Variants in PPA2 observed in about 807,000 individuals in gnomAD.
PPA2 encodes the protein inorganic pyrophosphatase 2.
PPA2 carries 48 observed loss-of-function variants against 49.5 expected under a neutral mutation model. That is an observed-to-expected ratio of 0.97 (90% CI 0.77 to 1.23). The LOEUF (loss-of-function observed/expected upper bound fraction) is 1.23, where lower values mean the gene tolerates loss of function less well. Among genes scored for constraint, PPA2 ranks in the 50% most tolerant of loss-of-function variants. The pLI is 0.00. For synonymous variants in PPA2, 131 were observed against 139.9 expected (o/e 0.94, Z 0.45); for missense variants, 429 against 410.1 (o/e 1.05, Z -0.40).
chr4:105,449,474 A>T, intron 3 of PPA2, 71 bp from the exon 4 acceptor site: 2 of 925,806 alleles, frequency 2.2e-6, no homozygotes, highest in Admixed American at 2.3e-5. Context: ...TACCTCCCTT[A>T]TAAGAATACC....
At chr4:105,449,494 T>G in intron 3 of PPA2, 91 bp from the exon 4 acceptor site, 2 of 721,162 alleles carry the variant, frequency 2.8e-6, no homozygotes, top group South Asian at 2.1e-5. Flanking sequence ...CTTAGATGTT[T>G]TCCCCCGACA....
intron 5 of PPA2, among the ~76,000 whole-genome samples, chr4:105,440,519 C>T (rs1426774061): frequency 6.6e-6 from 1 of 152,044 alleles, no homozygotes; most frequent in Non-Finnish European, 1.5e-5. Context: ...CCTCGGCCTC[C>T]GACAGTGCTG....
chr4:105,474,054 G>C lies in PPA2; in HGVS notation c.-4C>G, dbSNP rs1723664060. ...GCAGCCGCAGCAGCGCGCTCATGGC[G>C]TCAATGACGGTCCTGCTGTGCGCGC... On this transcript the variant is annotated 5_prime_UTR_variant, in exon 1 of 12. Coordinates refer to ENST00000341695, the MANE Select transcript of PPA2 (RefSeq NM_176869.3). 1 of 1,571,000 alleles carries C rather than the reference G, an allele frequency of 6.4e-7. No homozygotes were observed. The highest frequency in any genetic ancestry group is 8.6e-7 in the Non-Finnish European group (1 of 1,157,326).
At chr4:105,385,400 A>G (rs1178318605) in intron 10 of PPA2, among the ~76,000 whole-genome samples, 1 of 151,906 alleles carries the variant, frequency 6.6e-6, no homozygotes, top group Non-Finnish European at 1.5e-5. Flanking sequence ...GATAGCTGAC[A>G]CATCAGTAAA....
chr4:105,425,762 A>ACC (rs1553926986), intron 6 of PPA2, among the ~76,000 whole-genome samples: 320 of 140,044 alleles, frequency 2.3e-3, no homozygotes, highest in African/African-American at 8.8e-3. Flanking sequence ...ACACACACAC[A>ACC]CCCATCAGAA....
rs1437215055 is a variant in PPA2 at position 105,425,755 on chromosome 4, CACACACA to C, written c.529-1440_529-1434del. On this transcript the variant is annotated intron_variant, in intron 6 of 11. Coordinates refer to ENST00000341695, the MANE Select transcript of PPA2 (RefSeq NM_176869.3). ...ACACACACACACACACACACACACA[CACACACA>C]CCCATCAGAATAAACAAACAAACAA... Among the ~76,000 whole-genome samples, 363 of 151,416 alleles carry C rather than the reference CACACACA, an allele frequency of 2.4e-3. 1 individual carries two copies. The highest frequency in any genetic ancestry group is 8.1e-3 in the African/African-American group (335 of 41,184).
intron 10 of PPA2, among the ~76,000 whole-genome samples, chr4:105,384,707 C>T (rs762780125): frequency 6.6e-6 from 1 of 152,150 alleles, no homozygotes; most frequent in Non-Finnish European, 1.5e-5. Flanking sequence ...ATGTGGCCTG[C>T]ATTATTGTGA....
At chr4:105,407,915 A>C (rs993721298) in intron 7 of PPA2, among the ~76,000 whole-genome samples, 1 of 152,176 alleles carries the variant, frequency 6.6e-6, no homozygotes, top group African/African-American at 2.4e-5. Flanking sequence ...TATGAATGTG[A>C]TAGTTGCTAG....
chr4:105,414,299 G>C (rs1339464994), intron 7 of PPA2, among the ~76,000 whole-genome samples: 1 of 152,218 alleles, frequency 6.6e-6, no homozygotes, highest in Non-Finnish European at 1.5e-5. Context: ...CAGTAATAGT[G>C]CCACAGGATT....
At chr4:105,434,943 C>T (rs1283342441) in intron 6 of PPA2, among the ~76,000 whole-genome samples, 3 of 152,314 alleles carry the variant, frequency 2.0e-5, no homozygotes, top group Non-Finnish European at 4.4e-5. Flanking sequence ...AACCACCACG[C>T]TTCAATTCAA....
chr4:105,375,959 T>G (rs946676325), intron 10 of PPA2, among the ~76,000 whole-genome samples: 4 of 152,214 alleles, frequency 2.6e-5, no homozygotes, highest in Admixed American at 2.6e-4. Context: ...AAGAGTGTGG[T>G]TCTAAGCTGA....
At chr4:105,400,871 A>C (rs114617465) in intron 7 of PPA2, among the ~76,000 whole-genome samples, 1,782 of 152,288 alleles carry the variant, frequency 0.012, 44 homozygotes, top group African/African-American at 0.041. Context: ...ATTAGGAAAA[A>C]AACTGAAAAT....
intron 11 of PPA2, 88 bp downstream of exon 11, chr4:105,370,749 T>C (rs1033221761): frequency 7.9e-7 from 1 of 1,264,182 alleles, no homozygotes; most frequent in Non-Finnish European, 1.0e-6. Flanking sequence ...ATTTATCTAT[T>C]TTATTTTTAG....
intron 7 of PPA2, among the ~76,000 whole-genome samples, chr4:105,408,956 G>A (rs1722611786): frequency 6.6e-6 from 1 of 152,198 alleles, no homozygotes; most frequent in Admixed American, 6.5e-5. Context: ...AATAGGAACA[G>A]CTCTGGTCTG....
In PPA2 at chr4:105,369,618, A is replaced by C. The variant is rs1732941608; in HGVS notation, c.*107T>G. On this transcript the variant is annotated 3_prime_UTR_variant, in exon 12 of 12. Transcript: ENST00000341695. ...TTGCATAGCTCAAAAAGTTTGAAAAAATGAAGTTTTAACAGGAAGTCAGTA... is the reference window on the plus strand; with the variant it reads ...TTGCATAGCTCAAAAAGTTTGAAAACATGAAGTTTTAACAGGAAGTCAGTA... 7.6e-6 allele frequency: 8 copies of C among 1,048,000 alleles called. No homozygotes were observed. The highest frequency in any genetic ancestry group is 1.2e-5 in the Non-Finnish European group (8 of 688,110). The allele number at this position is 1,048,000 out of a possible 1,614,324, so 64.9% of individuals were successfully genotyped here. A position where few individuals can be genotyped will look rare whatever the true frequency, so the allele number is the denominator to read the frequency against.
At chr4:105,462,312 A>C (rs1283808376) in intron 1 of PPA2, among the ~76,000 whole-genome samples, 1 of 152,208 alleles carries the variant, frequency 6.6e-6, no homozygotes, top group Non-Finnish European at 1.5e-5. Flanking sequence ...TCTTATCCGA[A>C]GCTCAGGCTG....
intron 1 of PPA2, among the ~76,000 whole-genome samples, chr4:105,467,505 GA>G (rs1430875431): frequency 6.6e-6 from 1 of 152,142 alleles, no homozygotes; most frequent in African/African-American, 2.4e-5. Flanking sequence ...AAAATTTTTT[GA>G]GTGAAATGGA....
At chr4:105,416,976 T>G (rs1723043284) in intron 7 of PPA2, among the ~76,000 whole-genome samples, 1 of 152,208 alleles carries the variant, frequency 6.6e-6, no homozygotes, top group Non-Finnish European at 1.5e-5. Context: ...CAGAAAAACC[T>G]CTCAGAAAAG....
intron 2 of PPA2, among the ~76,000 whole-genome samples, chr4:105,454,901 C>T (rs115774498): frequency 1.7e-3 from 259 of 152,260 alleles, no homozygotes; most frequent in African/African-American, 5.9e-3. Flanking sequence ...TCCACCTCTA[C>T]CTCTATCTAC....
Sources: gnomAD v4.1 joint callset for allele counts (sites outside exome capture counted in the v4.1 genomes callset) on GRCh38, gnomAD v4.1.1 for gene constraint, MANE v1.5 for transcripts, NCBI Gene and HGNC (gene_info 2026-07-23, HGNC 2026-07-21) for gene names.